The following MYT1L variants were observed in gnomAD, a reference collection of about 807,000 sequenced individuals.
MYT1L encodes the protein myelin transcription factor 1 like, also known as myelin transcription factor 1-like protein.
In MYT1L, 12 loss-of-function variants were observed where a neutral mutation model predicts 126.7. That is an observed-to-expected ratio of 0.09 (90% CI 0.06 to 0.15). The LOEUF is 0.15. Ranked by LOEUF, MYT1L falls within the 10% of genes least tolerant of loss-of-function variation. The probability of loss-of-function intolerance (pLI) is 1.00; values close to 1 mark genes in which losing one functional copy is unlikely to be tolerated. For missense variants in MYT1L, 979 were observed against 1,585.2 expected, an observed-to-expected ratio of 0.62 and a Z score of 6.49; for synonymous variants, 541 against 604.2, an observed-to-expected ratio of 0.90 and a Z score of 1.53.
rs1558392784 is a variant in MYT1L at position 1,917,627 on chromosome 2, A to ATAAGGG, written c.1484-289_1484-288insCCCTTA. 6.6e-6 allele frequency among the ~76,000 whole-genome samples: 1 copy of ATAAGGG among 152,192 alleles called. No individual in the cohort carries two copies. The highest frequency in any genetic ancestry group is 1.5e-5 in the Non-Finnish European group (1 of 68,038). ...TCATTATTTTCCCGTGTGTTACATG[A>ATAAGGG]TAAGCTGTGTTGCTCAAAGGAATCA... On this transcript the variant is annotated intron_variant, in intron 10 of 24. Transcript: ENST00000647738. This position sits in a 1 kb window ranked among gnomAD's most constrained non-coding sequence, Gnocchi z 5.9.
rs755889769 is a variant in MYT1L at position 1,792,375 on chromosome 2, C to T, written c.3366G>A (p.Ala1122=). The change falls in exon 24 of 25, where the codon GCG becomes GCA. Residue 1122 remains alanine (A), a synonymous_variant. Transcript: ENST00000647738. ...QQNESLLHEL[A]NLSQSLIHSL... ...TGTGGATCAGAGACTGGCTCAGGTT[C>T]GCCAGCTCGTGGAGGAGAGACTCGT... is the stretch of plus-strand genomic sequence containing the variant. 1.9e-5 allele frequency: 30 copies of T among 1,610,450 alleles called. No homozygotes were observed. Among genetic ancestry groups the T allele is most frequent in the Admixed American group, 5.0e-5 (3 of 59,572 alleles).
intron 1 of MYT1L, among the ~76,000 whole-genome samples, chr2:2,318,355 A>T (rs144054510): frequency 1.1e-4 from 16 of 152,130 alleles, no homozygotes; most frequent in African/African-American, 3.9e-4. Flanking sequence ...TTGCCTTTCC[A>T]CTCTTACTAA....
At chr2:1,821,740 G>A (rs968911132) in intron 21 of MYT1L, among the ~76,000 whole-genome samples, 1 of 152,212 alleles carries the variant, frequency 6.6e-6, no homozygotes, top group Non-Finnish European at 1.5e-5. Flanking sequence ...CCCCTGCTCT[G>A]TCTGGAGTGG....
At chr2:1,831,130 C>CGGGTGCCCGACGCGTGTGTGAATG (rs1299872463) in intron 21 of MYT1L, among the ~76,000 whole-genome samples, 9 of 148,446 alleles carry the variant, frequency 6.1e-5, no homozygotes, top group Non-Finnish European at 1.2e-4. Context: ...CAACCCCACT[C>CGGGTGCCCGACGCGTGTGTGAATG]GGGTGCCCGA....
rs1427886741 is a variant in MYT1L, at chr2:2,295,567, G to GACAGAC, written c.-520-11065_-520-11064insGTCTGT. ...AGAGAGAGAGAGAGACAGACAGACA[G>GACAGAC]AGAGAGAGAGAGAGAGACAGACAGA... is the stretch of plus-strand genomic sequence containing the variant. On this transcript the variant is annotated intron_variant, in intron 1 of 24. Coordinates refer to ENST00000647738, the MANE Select transcript of MYT1L (RefSeq NM_001303052.2). Among the ~76,000 whole-genome samples the GACAGAC allele has an allele frequency of 1.8e-4, 3 of 16,644 alleles. 1 individual carries two copies. The highest frequency in any genetic ancestry group is 5.4e-4 in the African/African-American group (3 of 5,582). The allele number at this position is 16,644 out of a possible 152,430, so 10.9% of individuals were successfully genotyped here. A position where few individuals can be genotyped will look rare whatever the true frequency, so the allele number is the denominator to read the frequency against.
intron 8 of MYT1L, among the ~76,000 whole-genome samples, chr2:1,957,029 AT>A (rs1235041585): frequency 6.6e-6 from 1 of 152,146 alleles, no homozygotes; most frequent in Non-Finnish European, 1.5e-5. Context: ...AGGATGCCTC[AT>A]GTGGCTGGGA....
intron 1 of MYT1L, chr2:2,325,319 C>T: frequency 6.6e-6 from 1 of 152,160 alleles, no homozygotes; most frequent in South Asian, 2.1e-4. Context: ...GGTTGCCAAC[C>T]TCACTATATT....
intron 4 of MYT1L, among the ~76,000 whole-genome samples, chr2:2,044,562 G>A (rs1301996660): frequency 6.6e-6 from 1 of 152,180 alleles, no homozygotes; most frequent in African/African-American, 2.4e-5. Context: ...CCTCTTAGAT[G>A]CAGCCTGAGA....
At position 1,792,373 on chromosome 2, in the gene MYT1L, T is replaced by G; in HGVS notation, c.3368A>C (p.Asn1123Thr). Reference sequence around the variant, plus strand: ...GCTGTGGATCAGAGACTGGCTCAGGTTCGCCAGCTCGTGGAGGAGAGACTC... The same window carrying G: ...GCTGTGGATCAGAGACTGGCTCAGGGTCGCCAGCTCGTGGAGGAGAGACTC... ...QNESLLHELA[N>T]LSQSLIHSLA... The change falls in exon 24 of 25, where the codon AAC (asparagine) becomes ACC (threonine). Residue 1123 changes from asparagine to threonine, a missense_variant. Around this residue, in one of 12 missense-constraint regions of MYT1L, gnomAD observed 179 missense variants for 398.6 expected, o/e 0.45. Coordinates refer to ENST00000647738, the MANE Select transcript of MYT1L (RefSeq NM_001303052.2). The G allele has an allele frequency of 6.2e-7, 1 of 1,610,382 alleles. No individual in the cohort carries two copies.
intron 2 of MYT1L, among the ~76,000 whole-genome samples, chr2:2,181,747 T>C (rs1025250789): frequency 1.3e-5 from 2 of 152,306 alleles, no homozygotes; most frequent in East Asian, 3.9e-4. Flanking sequence ...GGAGGGTGCA[T>C]GCCGAGAAGT....
intron 2 of MYT1L, among the ~76,000 whole-genome samples, chr2:2,261,563 G>A (rs1345659896): frequency 6.6e-6 from 1 of 152,154 alleles, no homozygotes; most frequent in Non-Finnish European, 1.5e-5. Flanking sequence ...GGAGTTGGCA[G>A]GTGAGATGTT....
chr2:1,931,901 C>T (rs977781560), intron 9 of MYT1L, among the ~76,000 whole-genome samples: 4 of 152,200 alleles, frequency 2.6e-5, no homozygotes, highest in Non-Finnish European at 5.9e-5. Context: ...CTCCTGTCCA[C>T]GCCCTCAGTG....
At position 2,068,769 on chromosome 2, in the gene MYT1L, G is replaced by GTTT. The variant is rs55838351; in HGVS notation, c.-303-14649_-303-14647dup. On this transcript the variant is annotated intron_variant, in intron 3 of 24. Coordinates refer to ENST00000647738, the MANE Select transcript of MYT1L (RefSeq NM_001303052.2). ...GGACACAGACACCTGTGTTCTTCTT[G>GTTT]TTTTTTTTTTTTTTTTTTTTTTTTT... Among the ~76,000 whole-genome samples, 25 of 26,190 alleles carry GTTT rather than the reference G, an allele frequency of 9.5e-4. 5 individuals are homozygous for GTTT. The highest frequency in any genetic ancestry group is 1.5e-3 in the Non-Finnish European group (20 of 13,452). 17.2% of individuals were successfully genotyped at this position (26,190 alleles called of 152,430 possible). A position where few individuals can be genotyped will look rare whatever the true frequency, so the allele number is the denominator to read the frequency against.
intron 3 of MYT1L, among the ~76,000 whole-genome samples, chr2:2,124,585 C>T (rs573039989): frequency 6.6e-6 from 1 of 152,292 alleles, no homozygotes; most frequent in East Asian, 1.9e-4. Context: ...TGTGAGCCAC[C>T]CTGCCTGGCC....
intron 21 of MYT1L, among the ~76,000 whole-genome samples, chr2:1,837,788 A>G (rs530803330): frequency 3.8e-4 from 58 of 151,986 alleles, no homozygotes; most frequent in African/African-American, 1.3e-3. Flanking sequence ...ACTGAGATCC[A>G]TGTGTATAAA....
At chr2:1,798,961 C>A (rs1175985143) in intron 23 of MYT1L, among the ~76,000 whole-genome samples, 1 of 152,204 alleles carries the variant, frequency 6.6e-6, no homozygotes, top group Non-Finnish European at 1.5e-5. Context: ...TCTAAGCTGC[C>A]TGAGTCAGCA....
At chr2:2,192,625 G>A (rs1280780450) in intron 2 of MYT1L, among the ~76,000 whole-genome samples, 2 of 152,080 alleles carry the variant, frequency 1.3e-5, no homozygotes, top group Non-Finnish European at 2.9e-5. Context: ...TCAAATGTCT[G>A]GCTGTTCATC....
At chr2:1,959,568 C>T (rs531307152) in intron 8 of MYT1L, among the ~76,000 whole-genome samples, 2 of 152,350 alleles carry the variant, frequency 1.3e-5, no homozygotes, top group East Asian at 3.9e-4. Context: ...ATCCCACACA[C>T]CTCCTCCCAG....
rs1395249727 is a variant in MYT1L at position 2,228,262 on chromosome 2, T to G, written c.-420-55274A>C. 2.6e-5 allele frequency among the ~76,000 whole-genome samples: 4 copies of G among 152,282 alleles called. No individual in the cohort carries two copies. The highest frequency in any genetic ancestry group is 7.2e-5 in the African/African-American group (3 of 41,558). On this transcript the variant is annotated intron_variant, in intron 2 of 24. Transcript: ENST00000647738. This position sits in a 1 kb window ranked among gnomAD's most constrained non-coding sequence, Gnocchi z 5.9. ...AAGTCATTTAGCTTCATAATTACCT[T>G]AAGAGCACAAAGATGCAAAAGTCCA...
Sources: gnomAD v4.1 joint callset for allele counts (sites outside exome capture counted in the v4.1 genomes callset) on GRCh38, gnomAD v4.1.1 for gene constraint, gnomAD v4.1.1 regional missense constraint, Gnocchi (gnomAD v3.1) non-coding constraint, MANE v1.5 for transcripts, NCBI Gene and HGNC (gene_info 2026-07-23, HGNC 2026-07-21) for gene names.